ELMO1: variants seen among roughly 807,000 people sequenced by gnomAD.
ELMO1 encodes the protein engulfment and cell motility 1, also known as engulfment and cell motility protein 1.
In ELMO1, 26 loss-of-function variants were observed where a neutral mutation model predicts 98.9. That is an observed-to-expected ratio of 0.26 (90% confidence interval 0.19 to 0.36). ELMO1 has a LOEUF of 0.36. Ranked by LOEUF, ELMO1 falls within the 10% of genes least tolerant of loss-of-function variation. The pLI is 1.00. For synonymous variants in ELMO1, 346 were observed against 346.0 expected, an observed-to-expected ratio of 1.00 and a Z score of 0.00; for missense variants, 627 against 935.2, an observed-to-expected ratio of 0.67 and a Z score of 4.30.
At chr7:37,200,750 G>C (rs2130302574) in intron 13 of ELMO1, among the ~76,000 whole-genome samples, 1 of 152,194 alleles carries the variant, frequency 6.6e-6, no homozygotes, top group East Asian at 1.9e-4. Context: ...TGGGTCGCTT[G>C]AGCTCAAGAG....
chr7:37,001,772 G>A (rs1045051438), intron 16 of ELMO1, among the ~76,000 whole-genome samples: 1 of 152,308 alleles, frequency 6.6e-6, no homozygotes, highest in African/African-American at 2.4e-5. Flanking sequence ...AGAGCCTAGG[G>A]TAGGTGCAGG....
At chr7:37,048,970 GGGAAGTGACGT>G (rs1795951079) in intron 15 of ELMO1, among the ~76,000 whole-genome samples, 1 of 152,150 alleles carries the variant, frequency 6.6e-6, no homozygotes, top group Non-Finnish European at 1.5e-5. Context: ...ATGAGTTTAG[GGGAAGTGACGT>G]GGTGAGGGAG....
At chr7:36,942,849 G>A (rs1032561516) in intron 16 of ELMO1, among the ~76,000 whole-genome samples, 1 of 152,132 alleles carries the variant, frequency 6.6e-6, no homozygotes, top group Non-Finnish European at 1.5e-5. Flanking sequence ...AGTACAGAAA[G>A]GCCTTTCTCA....
At chr7:37,240,634 C>T (rs1399189120) in intron 7 of ELMO1, among the ~76,000 whole-genome samples, 2 of 152,100 alleles carry the variant, frequency 1.3e-5, no homozygotes, top group Non-Finnish European at 2.9e-5. Context: ...TCCCCCTAAG[C>T]ACAGCTTCAG....
chr7:37,059,963 C>A (rs1796583231), intron 15 of ELMO1, among the ~76,000 whole-genome samples: 1 of 152,226 alleles, frequency 6.6e-6, no homozygotes, highest in African/African-American at 2.4e-5. Context: ...TGTGATACCA[C>A]CTCAGGAAGA....
intron 1 of ELMO1, among the ~76,000 whole-genome samples, chr7:37,403,179 G>A (rs1162012684): frequency 6.6e-6 from 1 of 152,184 alleles, no homozygotes; most frequent in Non-Finnish European, 1.5e-5. Flanking sequence ...TCTAAGTGAA[G>A]GAAGCCAGTC....
chr7:37,190,766 C>T (rs1231792234), intron 13 of ELMO1, among the ~76,000 whole-genome samples: 2 of 152,140 alleles, frequency 1.3e-5, no homozygotes, highest in Non-Finnish European at 2.9e-5. Flanking sequence ...TCCCAAAGTG[C>T]TGGGTTTACA....
intron 15 of ELMO1, among the ~76,000 whole-genome samples, chr7:37,053,755 A>C (rs1030579754): frequency 6.6e-6 from 1 of 152,134 alleles, no homozygotes; most frequent in Non-Finnish European, 1.5e-5. Context: ...AAAATGCTTA[A>C]GTCCTTTCTC....
At chr7:37,090,556 C>G (rs1784028771) in intron 15 of ELMO1, among the ~76,000 whole-genome samples, 1 of 152,144 alleles carries the variant, frequency 6.6e-6, no homozygotes, top group Admixed American at 6.5e-5. Context: ...AACTAGAATC[C>G]CTTGAACCTC....
chr7:37,011,139 C>T (rs1465511507), intron 16 of ELMO1, among the ~76,000 whole-genome samples: 1 of 152,224 alleles, frequency 6.6e-6, no homozygotes, highest in Non-Finnish European at 1.5e-5. Context: ...AGAAACTGCA[C>T]CCAAAACCTG....
At chr7:37,401,960 T>A (rs1214707724) in intron 1 of ELMO1, among the ~76,000 whole-genome samples, 3 of 152,192 alleles carry the variant, frequency 2.0e-5, no homozygotes, top group Non-Finnish European at 2.9e-5. Context: ...AGATAGCTCC[T>A]TTGTCCAATC....
At chr7:37,237,194 C>T (rs984795112) in intron 7 of ELMO1, among the ~76,000 whole-genome samples, 1 of 152,130 alleles carries the variant, frequency 6.6e-6, no homozygotes, top group Non-Finnish European at 1.5e-5. Flanking sequence ...CAGCCAATCT[C>T]AAAACAAGCA....
chr7:37,050,011 C>T (rs561930817), intron 15 of ELMO1, among the ~76,000 whole-genome samples: 2 of 152,146 alleles, frequency 1.3e-5, no homozygotes, highest in South Asian at 2.1e-4. Flanking sequence ...AACTCCCGAC[C>T]TCAGGTGATC....
At chr7:37,286,421 G>T (rs1343577709) in intron 4 of ELMO1, among the ~76,000 whole-genome samples, 2 of 152,236 alleles carry the variant, frequency 1.3e-5, no homozygotes, top group Non-Finnish European at 2.9e-5. Context: ...TAGGTGCTCA[G>T]TGAATACAGG....
intron 4 of ELMO1, among the ~76,000 whole-genome samples, chr7:37,302,665 G>A (rs750384618): frequency 1.3e-5 from 2 of 152,194 alleles, no homozygotes; most frequent in Non-Finnish European, 2.9e-5. Flanking sequence ...CAGACATCAA[G>A]AAGAGACAAG....
chr7:37,308,501 C>T (rs1432641067), intron 4 of ELMO1, among the ~76,000 whole-genome samples: 2 of 152,168 alleles, frequency 1.3e-5, no homozygotes, highest in Non-Finnish European at 2.9e-5. Flanking sequence ...AGATCTCTGC[C>T]TAAATGTCAC....
intron 1 of ELMO1, among the ~76,000 whole-genome samples, chr7:37,409,348 T>C (rs1251691344): frequency 6.6e-6 from 1 of 152,240 alleles, no homozygotes; most frequent in East Asian, 1.9e-4. Flanking sequence ...TTAGCAACTT[T>C]ATATGGCAAG....
intron 1 of ELMO1, among the ~76,000 whole-genome samples, chr7:37,374,751 AAAATAAATAAAT>A (rs531519033): frequency 6.6e-6 from 1 of 151,342 alleles, no homozygotes; most frequent in African/African-American, 2.4e-5. Flanking sequence ...ACTCCATCTC[AAAATAAATAAAT>A]AAATAAATAA....
chr7:37,189,652 C>A (rs986689139), intron 13 of ELMO1, among the ~76,000 whole-genome samples: 3 of 152,094 alleles, frequency 2.0e-5, no homozygotes, highest in African/African-American at 7.2e-5. Flanking sequence ...CTAGCTTAAG[C>A]AATGATCTCC....
Sources: gnomAD v4.1 joint callset for allele counts (sites outside exome capture counted in the v4.1 genomes callset) on GRCh38, gnomAD v4.1.1 for gene constraint, MANE v1.5 for transcripts, NCBI Gene and HGNC (gene_info 2026-07-23, HGNC 2026-07-21) for gene names.